Variants in WWTR1 observed in about 807,000 individuals in gnomAD.
WWTR1 encodes WW domain containing transcription regulator 1.
In WWTR1, 13 loss-of-function variants were observed where a neutral mutation model predicts 40.1. That is an observed-to-expected ratio of 0.32 (90% confidence interval 0.21 to 0.52). WWTR1 has a LOEUF of 0.52. Ranked by LOEUF, WWTR1 falls within the 20% of genes least tolerant of loss-of-function variation. WWTR1 has a pLI of 0.97. For missense variants in WWTR1, 436 were observed against 523.1 expected (o/e 0.83, Z 1.63); for synonymous variants, 230 against 210.1 (o/e 1.09, Z -0.82).
At chr3:149,559,007 T>C (rs529673747) in intron 3 of WWTR1, among the ~76,000 whole-genome samples, 1 of 151,958 alleles carries the variant, frequency 6.6e-6, no homozygotes, top group Non-Finnish European at 1.5e-5. Context: ...TATAAGAAAA[T>C]GTCCAGCTGG....
intron 2 of WWTR1, among the ~76,000 whole-genome samples, chr3:149,585,183 C>T (rs1052232402): frequency 6.8e-6 from 1 of 147,650 alleles, no homozygotes; most frequent in African/African-American, 2.5e-5. Context: ...TCTTGTCACC[C>T]AGACTGGAGA....
intron 3 of WWTR1, among the ~76,000 whole-genome samples, chr3:149,542,911 T>C (rs1275422762): frequency 6.6e-6 from 1 of 152,224 alleles, no homozygotes; most frequent in Non-Finnish European, 1.5e-5. Context: ...TGTGCATGTG[T>C]ATACTTTCTC....
chr3:149,672,747 A>C (rs920038349), intron 1 of WWTR1, among the ~76,000 whole-genome samples: 4 of 151,252 alleles, frequency 2.6e-5, no homozygotes, highest in Non-Finnish European at 5.9e-5. Flanking sequence ...AAAAAGATAT[A>C]TAAGAGGATG....
chr3:149,713,726 G>A (rs996772164), intron 5 of WWTR1, among the ~76,000 whole-genome samples: 1 of 152,212 alleles, frequency 6.6e-6, no homozygotes, highest in Non-Finnish European at 1.5e-5. Context: ...ATCTGAGCCA[G>A]TTATAAGGAT....
chr3:149,666,055 C>T (rs75772271), intron 2 of WWTR1, among the ~76,000 whole-genome samples: 1 of 152,086 alleles, frequency 6.6e-6, no homozygotes, highest in African/African-American at 2.4e-5. Context: ...GAGTTTGCCA[C>T]CTGATTAAAA....
chr3:149,549,144 G>C (rs941072643), intron 3 of WWTR1, among the ~76,000 whole-genome samples: 3 of 152,182 alleles, frequency 2.0e-5, no homozygotes, highest in Non-Finnish European at 4.4e-5. Context: ...AAAGGCCGGG[G>C]GGATGGGAGG....
At chr3:149,553,072 G>C (rs1207983596) in intron 3 of WWTR1, among the ~76,000 whole-genome samples, 1 of 152,148 alleles carries the variant, frequency 6.6e-6, no homozygotes, top group East Asian at 1.9e-4. Flanking sequence ...ATTCTAGCAT[G>C]GGACTTTGGG....
intron 2 of WWTR1, among the ~76,000 whole-genome samples, chr3:149,628,479 C>A (rs1268612562): frequency 1.3e-5 from 2 of 152,228 alleles, no homozygotes; most frequent in Non-Finnish European, 1.5e-5. Flanking sequence ...GAAACAGCTG[C>A]CACTGAAGTC....
At chr3:149,615,113 G>A (rs1462470993) in intron 2 of WWTR1, among the ~76,000 whole-genome samples, 1 of 152,184 alleles carries the variant, frequency 6.6e-6, no homozygotes, top group Non-Finnish European at 1.5e-5. Flanking sequence ...GCTAATCTAT[G>A]TGCAGACCAG....
intron 2 of WWTR1, among the ~76,000 whole-genome samples, chr3:149,585,672 C>A (rs1440274471): frequency 6.6e-6 from 1 of 152,118 alleles, no homozygotes; most frequent in African/African-American, 2.4e-5. Flanking sequence ...TGGTAATGAG[C>A]ATCTCATGTC....
At position 149,656,945 on chromosome 3, in the gene WWTR1, G is replaced by T. The variant is rs766632650; in HGVS notation, c.362C>A (p.Thr121Asn). 4 of 1,579,214 alleles carry T rather than the reference G, an allele frequency of 2.5e-6. No individual in the cohort carries two copies. The South Asian group carries it at 4.6e-5, about 18-fold the overall frequency. The change falls in exon 2 of 7, where the codon ACC (threonine) becomes AAC (asparagine). Residue 121 changes from threonine (T) to asparagine (N), a missense_variant. Physicochemically the swap from Thr to Asn is moderately conservative, Grantham distance 65. Coordinates refer to ENST00000360632, the MANE Select transcript of WWTR1 (RefSeq NM_015472.6). ...GCCCGGGGGCAGTGGCAGCTCGTCG[G>T]TCACGTCGTAGGACTGCTGGCGGAG... is the stretch of plus-strand genomic sequence containing the variant. Reference protein sequence around the residue: ...AHLRQQSYDVTDELPLPPGWE... With the variant: ...AHLRQQSYDVNDELPLPPGWE...
chr3:149,677,159 G>C (rs1226729151), intron 1 of WWTR1, among the ~76,000 whole-genome samples: 1 of 151,892 alleles, frequency 6.6e-6, no homozygotes, highest in Non-Finnish European at 1.5e-5. Flanking sequence ...CAGGTCATCC[G>C]CCCATCTCAG....
intron 3 of WWTR1, among the ~76,000 whole-genome samples, chr3:149,548,774 C>G (rs937202971): frequency 6.6e-6 from 1 of 152,176 alleles, no homozygotes; most frequent in Non-Finnish European, 1.5e-5. Flanking sequence ...TCTCTCCTTT[C>G]GACAACAAAC....
chr3:149,628,202 C>T (rs1218194807), intron 2 of WWTR1, among the ~76,000 whole-genome samples: 1 of 152,052 alleles, frequency 6.6e-6, no homozygotes, highest in Non-Finnish European at 1.5e-5. Flanking sequence ...AACCCCGTCC[C>T]TATTAAAAAT....
intron 2 of WWTR1, among the ~76,000 whole-genome samples, chr3:149,611,756 A>T (rs540120785): frequency 6.6e-6 from 1 of 152,278 alleles, no homozygotes; most frequent in East Asian, 1.9e-4. Context: ...ACAGTTAATA[A>T]CATAGCTCCA....
chr3:149,607,535 C>G (rs1320537185), intron 2 of WWTR1, among the ~76,000 whole-genome samples: 1 of 152,092 alleles, frequency 6.6e-6, no homozygotes, highest in Admixed American at 6.6e-5. Context: ...AGGATGGTCT[C>G]GATCTCCTCA....
chr3:149,622,575 G>A (rs1374819796), intron 2 of WWTR1, among the ~76,000 whole-genome samples: 2 of 152,116 alleles, frequency 1.3e-5, no homozygotes, highest in Admixed American at 6.6e-5. Flanking sequence ...GTGCGTCCAG[G>A]CGCAGTGGCT....
intron 3 of WWTR1, among the ~76,000 whole-genome samples, chr3:149,555,286 A>G (rs1463517337): frequency 2.6e-5 from 4 of 152,224 alleles, no homozygotes; most frequent in Non-Finnish European, 5.9e-5. Flanking sequence ...TGTAACAGAT[A>G]CTAAGATTCC....
chr3:149,686,824 T>A (rs1351706373), intron 1 of WWTR1, among the ~76,000 whole-genome samples: 1 of 151,988 alleles, frequency 6.6e-6, no homozygotes, highest in East Asian at 1.9e-4. Context: ...TCTCCTGGGG[T>A]CTCTTCTCTC....
Sources: gnomAD v4.1 joint callset for allele counts (sites outside exome capture counted in the v4.1 genomes callset) on GRCh38, gnomAD v4.1.1 for gene constraint, MANE v1.5 for transcripts, NCBI Gene and HGNC (gene_info 2026-07-23, HGNC 2026-07-21) for gene names.